Variants in SAMD12 observed in about 807,000 individuals in gnomAD.
SAMD12 encodes the protein sterile alpha motif domain containing 12, also known as sterile alpha motif domain-containing protein 12.
In SAMD12, 9 loss-of-function variants were observed where a neutral mutation model predicts 15.0. That is an observed-to-expected ratio of 0.60 (90% confidence interval 0.36 to 1.05). The LOEUF (loss-of-function observed/expected upper bound fraction) is 1.05, where lower values mean the gene tolerates loss of function less well. Ranked by LOEUF, SAMD12 falls within the 50% of genes least tolerant of loss-of-function variation. The pLI is 0.01. For synonymous variants in SAMD12, 86 were observed against 90.1 expected, an observed-to-expected ratio of 0.96 and a Z score of 0.25; for missense variants, 230 against 234.2, an observed-to-expected ratio of 0.98 and a Z score of 0.12.
chr8:118,210,927 T>C (rs1022520050), intron 4 of SAMD12, among the ~76,000 whole-genome samples: 4 of 152,208 alleles, frequency 2.6e-5, no homozygotes, highest in African/African-American at 9.6e-5. Context: ...ATCTCTTGAT[T>C]GCTGTCCTAG....
intron 1 of SAMD12, among the ~76,000 whole-genome samples, chr8:118,590,596 A>C (rs1175238132): frequency 6.6e-6 from 1 of 152,252 alleles, no homozygotes; most frequent in African/African-American, 2.4e-5. Flanking sequence ...ACCTGGATTT[A>C]TAACTCTACC....
chr8:118,457,077 T>C (rs751196319), intron 2 of SAMD12, among the ~76,000 whole-genome samples: 1 of 152,218 alleles, frequency 6.6e-6, no homozygotes, highest in African/African-American at 2.4e-5. Context: ...AGAAAATAAA[T>C]GTAAAACATT....
intron 4 of SAMD12, among the ~76,000 whole-genome samples, chr8:118,273,318 C>T (rs553655489): frequency 1.3e-5 from 2 of 152,256 alleles, no homozygotes; most frequent in East Asian, 1.9e-4. Context: ...AGGGTAACCA[C>T]GCCCATGATT....
At chr8:118,314,495 C>T (rs1025096520) in intron 4 of SAMD12, among the ~76,000 whole-genome samples, 16 of 152,076 alleles carry the variant, frequency 1.1e-4, no homozygotes, top group African/African-American at 3.1e-4. Flanking sequence ...CAGAGCTGTT[C>T]CATTACCTAC....
chr8:118,540,248 G>A (rs925010536), intron 2 of SAMD12, among the ~76,000 whole-genome samples: 11 of 152,130 alleles, frequency 7.2e-5, no homozygotes, highest in African/African-American at 2.2e-4. Context: ...TTCTTCCAGG[G>A]TAGTGGTTCT....
chr8:118,341,225 A>C (rs939348894), intron 4 of SAMD12, among the ~76,000 whole-genome samples: 1 of 152,120 alleles, frequency 6.6e-6, no homozygotes, highest in Non-Finnish European at 1.5e-5. Context: ...TGGCCTTGTG[A>C]CATGGTGCCT....
chr8:118,150,808 T>A, the SAMD12 span, among the ~76,000 whole-genome samples: 1 of 152,154 alleles, frequency 6.6e-6, no homozygotes, highest in South Asian at 2.1e-4. Context: ...TTTCCTTGTG[T>A]TTTAAGTGAA....
At chr8:118,172,643 A>C in the SAMD12 span, among the ~76,000 whole-genome samples, 155 of 152,352 alleles carry the variant, frequency 1.0e-3, 1 homozygote, top group East Asian at 0.024. Flanking sequence ...TATTTAATGT[A>C]TACAACTTGA....
intron 4 of SAMD12, among the ~76,000 whole-genome samples, chr8:118,230,508 G>A (rs1179730805): frequency 6.6e-6 from 1 of 152,092 alleles, no homozygotes; most frequent in Non-Finnish European, 1.5e-5. Context: ...CTTCCCTGGT[G>A]GGTCTGATGT....
At chr8:118,426,649 TA>T (rs1288233552) in intron 3 of SAMD12, among the ~76,000 whole-genome samples, 1 of 152,248 alleles carries the variant, frequency 6.6e-6, no homozygotes. Context: ...TGTCAAATAC[TA>T]TCACTAAATA....
At chr8:118,239,972 T>A (rs777848495) in intron 4 of SAMD12, 2 of 152,154 alleles carry the variant, frequency 1.3e-5, no homozygotes, top group African/African-American at 2.4e-5. Flanking sequence ...TATTCCTGAA[T>A]ATCCTAGGCA....
intron 2 of SAMD12, among the ~76,000 whole-genome samples, chr8:118,547,020 A>ATCCTAT (rs1826149264): frequency 6.6e-6 from 1 of 152,258 alleles, no homozygotes; most frequent in Non-Finnish European, 1.5e-5. Context: ...GAATGTTTAC[A>ATCCTAT]GAATATTCAG....
intron 1 of SAMD12, among the ~76,000 whole-genome samples, chr8:118,618,597 T>C (rs548564324): frequency 6.6e-6 from 1 of 152,124 alleles, no homozygotes; most frequent in East Asian, 1.9e-4. Flanking sequence ...CCCAGCACTT[T>C]GGGAGGCCGA....
At chr8:118,485,811 A>C (rs1824261268) in intron 2 of SAMD12, among the ~76,000 whole-genome samples, 1 of 152,252 alleles carries the variant, frequency 6.6e-6, no homozygotes, top group Non-Finnish European at 1.5e-5. Context: ...TGGCAAATCC[A>C]AACACAGCTG....
At chr8:118,421,004 C>T (rs1009434851) in intron 3 of SAMD12, among the ~76,000 whole-genome samples, 3 of 152,148 alleles carry the variant, frequency 2.0e-5, no homozygotes, top group Non-Finnish European at 4.4e-5. Flanking sequence ...ACCTACAAAG[C>T]CAAATGGCTC....
intron 2 of SAMD12, among the ~76,000 whole-genome samples, chr8:118,580,489 G>C (rs1827265774): frequency 6.6e-6 from 1 of 152,250 alleles, no homozygotes; most frequent in African/African-American, 2.4e-5. Flanking sequence ...TATAACCTCA[G>C]AGCCTCACAC....
At chr8:118,427,163 G>A (rs1487394166) in intron 3 of SAMD12, among the ~76,000 whole-genome samples, 1 of 152,122 alleles carries the variant, frequency 6.6e-6, no homozygotes, top group Non-Finnish European at 1.5e-5. Flanking sequence ...TTCTCTATAA[G>A]TATCTATATC....
chr8:118,275,170 T>C, intron 4 of SAMD12, among the ~76,000 whole-genome samples: 1 of 152,206 alleles, frequency 6.6e-6, no homozygotes, highest in East Asian at 1.9e-4. Flanking sequence ...TTATCATGAA[T>C]GGTTGTAGAA....
intron 2 of SAMD12, among the ~76,000 whole-genome samples, chr8:118,553,210 G>A (rs936687723): frequency 1.3e-5 from 2 of 152,012 alleles, no homozygotes; most frequent in African/African-American, 4.8e-5. Context: ...CCAAAAAAAA[G>A]CCCACATCGC....
Sources: gnomAD v4.1 joint callset for allele counts (sites outside exome capture counted in the v4.1 genomes callset) on GRCh38, gnomAD v4.1.1 for gene constraint, MANE v1.5 for transcripts, NCBI Gene and HGNC (gene_info 2026-07-23, HGNC 2026-07-21) for gene names.